PCDHA8: variants seen among roughly 807,000 people sequenced by gnomAD.
PCDHA8 encodes protocadherin alpha 8, also known as protocadherin alpha-8.
A neutral mutation model predicts 61.8 loss-of-function variants in PCDHA8; 53 were observed. That is an observed-to-expected ratio of 0.86 (90% CI 0.69 to 1.08). PCDHA8 has a LOEUF of 1.08. PCDHA8 is among the 50% of genes least tolerant of loss of function. PCDHA8 has a pLI of 0.00. For synonymous variants in PCDHA8, 618 were observed against 556.6 expected, an observed-to-expected ratio of 1.11 and a Z score of -1.55; for missense variants, 1,293 against 1,245.0, an observed-to-expected ratio of 1.04 and a Z score of -0.58.
intron 1 of PCDHA8, among the ~76,000 whole-genome samples, chr5:140,920,075 G>T (rs190821804): frequency 6.6e-6 from 1 of 152,316 alleles, no homozygotes; most frequent in Admixed American, 6.5e-5. Flanking sequence ...GGCAGAAACA[G>T]ATTCTCCGTA....
chr5:140,849,816 G>C (rs2150451582), intron 1 of PCDHA8: 2 of 1,598,578 alleles, frequency 1.3e-6, no homozygotes, highest in Admixed American at 1.7e-5. Context: ...CACGGCCAGG[G>C]TGTCTGTGGA....
In PCDHA8 at chr5:140,842,322, G is replaced by T. The variant is rs1349163820; in HGVS notation, c.1001G>T (p.Cys334Phe). Reference sequence around the variant, plus strand: ...GGCCATCCTCCCATGGCGGGTCATTGCACCGTTTTAGTGAGAATTTTGGAT... The same window carrying T: ...GGCCATCCTCCCATGGCGGGTCATTTCACCGTTTTAGTGAGAATTTTGGAT... Reference protein sequence around the residue: ...DKGHPPMAGHCTVLVRILDKN... With the variant: ...DKGHPPMAGHFTVLVRILDKN... Residue 334 changes from cysteine (C) to phenylalanine (F), a missense_variant, in exon 1 of 4, where the codon TGC becomes TTC. Cys to Phe is a radical substitution (Grantham distance 205, BLOSUM62 -2). Transcript: ENST00000531613. The T allele has an allele frequency of 6.2e-7, 1 of 1,607,612 alleles. No homozygotes were observed.
intron 1 of PCDHA8, among the ~76,000 whole-genome samples, chr5:140,954,085 C>G (rs1477637836): frequency 1.3e-5 from 2 of 152,142 alleles, no homozygotes; most frequent in African/African-American, 4.8e-5. Context: ...GCTTCCAGCT[C>G]CATCCATGTC....
chr5:140,857,566 C>G, intron 1 of PCDHA8: 1 of 1,596,798 alleles, frequency 6.3e-7, no homozygotes, highest in South Asian at 1.1e-5. Flanking sequence ...TGTCGAGCTA[C>G]GTGTCGGTGC....
At chr5:140,880,521 A>G (rs1166001900) in intron 1 of PCDHA8, among the ~76,000 whole-genome samples, 1 of 152,260 alleles carries the variant, frequency 6.6e-6, no homozygotes, top group Non-Finnish European at 1.5e-5. Context: ...ACATCTCTCA[A>G]TGTGTGAATC....
intron 3 of PCDHA8, among the ~76,000 whole-genome samples, chr5:140,986,734 C>T (rs2153854061): frequency 6.6e-6 from 1 of 152,260 alleles, no homozygotes; most frequent in Non-Finnish European, 1.5e-5. Context: ...TCTCAAGACC[C>T]CAGGGGATCT....
chr5:140,972,829 A>G (rs1554234573), intron 1 of PCDHA8, among the ~76,000 whole-genome samples: 1 of 151,808 alleles, frequency 6.6e-6, no homozygotes, highest in Non-Finnish European at 1.5e-5. Flanking sequence ...ACGCCTGGCT[A>G]ATTTTTGTAT....
At chr5:140,910,197 T>C (rs1318749477) in intron 1 of PCDHA8, among the ~76,000 whole-genome samples, 1 of 152,202 alleles carries the variant, frequency 6.6e-6, no homozygotes, top group African/African-American at 2.4e-5. Context: ...TAGTCTTTTG[T>C]CCACTTGACC....
At chr5:140,945,705 A>G (rs868920609) in intron 1 of PCDHA8, among the ~76,000 whole-genome samples, 5 of 152,154 alleles carry the variant, frequency 3.3e-5, no homozygotes, top group South Asian at 2.1e-4. Flanking sequence ...GATTTGCAAC[A>G]AAAGTATCAA....
chr5:140,928,262 A>T lies in PCDHA8; in HGVS notation c.2395-50687A>T, dbSNP rs199571652. ...CAGCAGGAACTTTTCGTTGCTGAAA[A>T]CAATGGCCCTGGGGCCTCTCTAGGC... is the stretch of plus-strand genomic sequence containing the variant. On this transcript the variant is annotated intron_variant, in intron 1 of 3. Coordinates refer to ENST00000531613, the MANE Select transcript of PCDHA8 (RefSeq NM_018911.3). 20 of 1,614,214 alleles carry T rather than the reference A, an allele frequency of 1.2e-5. No homozygotes were observed. In the Admixed American group the frequency reaches 2.2e-4, roughly 17 times the overall value.
At chr5:140,928,594 G>A in intron 1 of PCDHA8, 1 of 1,614,204 alleles carries the variant, frequency 6.2e-7, no homozygotes, top group Non-Finnish European at 8.5e-7. Context: ...TGTCCCAGTG[G>A]AAATTGTGCC....
At chr5:140,973,263 A>G (rs1458697392) in intron 1 of PCDHA8, among the ~76,000 whole-genome samples, 1 of 152,136 alleles carries the variant, frequency 6.6e-6, no homozygotes, top group Admixed American at 6.5e-5. Flanking sequence ...AGTGGCACCT[A>G]CTTTTATTTC....
rs146522449 is a variant in PCDHA8, at chr5:140,877,816, G to A, written c.2394+34101G>A. ...CCCAAGCCTTCAGCTGTCTCGAGAA[G>A]ATTGTTTAAATCCTCCCAGTGAAGT... On this transcript the variant is annotated intron_variant, in intron 1 of 3. Coordinates refer to ENST00000531613, the MANE Select transcript of PCDHA8 (RefSeq NM_018911.3). The A allele has an allele frequency of 2.8e-3, 4,449 of 1,609,310 alleles. 21 individuals carry two copies. Among genetic ancestry groups the A allele is most frequent in the African/African-American group, 0.01 (772 of 74,842 alleles).
At chr5:140,948,136 T>C (rs2094216707) in intron 1 of PCDHA8, among the ~76,000 whole-genome samples, 1 of 151,776 alleles carries the variant, frequency 6.6e-6, no homozygotes, top group African/African-American at 2.4e-5. Flanking sequence ...ATTACACTAA[T>C]TGATTTTTGA....
chr5:140,925,299 T>C (rs2082428309), intron 1 of PCDHA8, among the ~76,000 whole-genome samples: 1 of 152,200 alleles, frequency 6.6e-6, no homozygotes, highest in African/African-American at 2.4e-5. Context: ...GTTTCATTAT[T>C]GGGGCTTTGG....
rs148283153 is a variant in PCDHA8, at chr5:140,857,227, G to A, written c.2394+13512G>A. 3.8e-6 allele frequency: 6 copies of A among 1,598,330 alleles called. No individual in the cohort carries two copies. The African/African-American group carries it at 4.0e-5, about 11-fold the overall frequency. ...CCTGCTCTCTGACGCCTCACGTTCCGTTCAAGCTGGTGTCCACCTACAAGA... is the reference window on the plus strand; with the variant it reads ...CCTGCTCTCTGACGCCTCACGTTCCATTCAAGCTGGTGTCCACCTACAAGA... On this transcript the variant is annotated intron_variant, in intron 1 of 3. Coordinates refer to ENST00000531613, the MANE Select transcript of PCDHA8 (RefSeq NM_018911.3).
In PCDHA8 at chr5:141,010,024, T is replaced by A; in HGVS notation, c.*87T>A. 7.6e-6 allele frequency: 12 copies of A among 1,572,358 alleles called. No individual in the cohort carries two copies. Among genetic ancestry groups the A allele is most frequent in the Non-Finnish European group, 1.0e-5 (12 of 1,163,296 alleles). On this transcript the variant is annotated 3_prime_UTR_variant, in exon 4 of 4. Coordinates refer to ENST00000531613, the MANE Select transcript of PCDHA8 (RefSeq NM_018911.3). ...GTAGCAATTCCCTGCTCCTTTTTCC[T>A]ATCTACATGAGCCCTCTTAGAGACC...
At chr5:140,890,697 C>G (rs1479609896) in intron 1 of PCDHA8, among the ~76,000 whole-genome samples, 1 of 152,124 alleles carries the variant, frequency 6.6e-6, no homozygotes, top group Non-Finnish European at 1.5e-5. Context: ...ATGCAGGGAC[C>G]TTACATTTTT....
At chr5:140,870,070 G>A in intron 1 of PCDHA8, 2 of 1,613,880 alleles carry the variant, frequency 1.2e-6, no homozygotes, top group Non-Finnish European at 1.7e-6. Context: ...ACAGGCTACA[G>A]ATAAGGGGAC....
Sources: gnomAD v4.1 joint callset for allele counts (sites outside exome capture counted in the v4.1 genomes callset) on GRCh38, gnomAD v4.1.1 for gene constraint, MANE v1.5 for transcripts, NCBI Gene and HGNC (gene_info 2026-07-23, HGNC 2026-07-21) for gene names.